Variants in HMHB1 observed in about 807,000 individuals in gnomAD.
HMHB1 encodes histocompatibility minor HB-1, also known as minor histocompatibility protein HB-1.
Under a neutral mutation model 2.4 loss-of-function variants are expected in HMHB1, and 4 were observed. The ratio of observed to expected loss-of-function variants is 1.65; its 90% CI spans 0.81 to 3.77. HMHB1 has a LOEUF of 3.77. HMHB1 is among the 30% of genes most tolerant of loss of function. HMHB1 has a pLI of 0.01. For synonymous variants in HMHB1, 22 were observed against 17.6 expected, an observed-to-expected ratio of 1.25 and a Z score of -0.63; for missense variants, 57 against 44.2, an observed-to-expected ratio of 1.29 and a Z score of -0.82.
Position 143,820,103 on chromosome 5 carries a change from T to A in HMHB1, c.38-377T>A, listed in dbSNP as rs1759791293. Among the ~76,000 whole-genome samples, 4 of 152,008 alleles carry A rather than the reference T, an allele frequency of 2.6e-5. No homozygotes were observed. In the South Asian group the frequency reaches 8.3e-4, roughly 32 times the overall value. Reference sequence around the variant, plus strand: ...TTATTTCTAATGAATGAATTCCATATGAGCTAATTATAGAAAATAAGATTT... The same window carrying A: ...TTATTTCTAATGAATGAATTCCATAAGAGCTAATTATAGAAAATAAGATTT... On this transcript the variant is annotated intron_variant, in intron 1 of 1. Coordinates refer to ENST00000289448, the MANE Select transcript of HMHB1 (RefSeq NM_021182.3).
At chr5:143,815,548 G>A (rs937133593) in intron 1 of HMHB1, among the ~76,000 whole-genome samples, 2 of 148,006 alleles carry the variant, frequency 1.4e-5, no homozygotes, top group African/African-American at 5.0e-5. Flanking sequence ...TTGAGATGCA[G>A]TCTCGCTCTG....
intron 1 of HMHB1, among the ~76,000 whole-genome samples, chr5:143,813,116 G>C (rs1236961856): frequency 6.6e-6 from 1 of 152,162 alleles, no homozygotes; most frequent in Non-Finnish European, 1.5e-5. Context: ...GATGAGGCCG[G>C]GGAAGCCTGT....
intron 1 of HMHB1, 150 bp from the exon 2 acceptor site, chr5:143,820,330 A>AAAAAAAAAAAAAAAAAAAG (rs1759796725): frequency 3.4e-6 from 1 of 294,318 alleles, no homozygotes. Context: ...AAAAAAAAAA[A>AAAAAAAAAAAAAAAAAAAG]AAAAAAAAAA....
chr5:143,817,862 T>A (rs770625259), intron 1 of HMHB1, among the ~76,000 whole-genome samples: 1 of 152,152 alleles, frequency 6.6e-6, no homozygotes, highest in Non-Finnish European at 1.5e-5. Context: ...AGAAATAAAT[T>A]AGTAAATGCA....
At chr5:143,815,360 A>T (rs751008629) in intron 1 of HMHB1, among the ~76,000 whole-genome samples, 8 of 151,930 alleles carry the variant, frequency 5.3e-5, no homozygotes, top group Non-Finnish European at 1.2e-4. Context: ...TCCTTTTCCA[A>T]CTTACAGATT....
Position 143,819,466 on chromosome 5 carries a change from C to G in HMHB1, c.38-1014C>G, listed in dbSNP as rs530112367. ...TCACACCAAGATGGTGAAACCCTGTCTCTTCTAAAAATACAAAAATTAGCC... is the reference window on the plus strand; with the variant it reads ...TCACACCAAGATGGTGAAACCCTGTGTCTTCTAAAAATACAAAAATTAGCC... On this transcript the variant is annotated intron_variant, in intron 1 of 1. Coordinates refer to ENST00000289448, the MANE Select transcript of HMHB1 (RefSeq NM_021182.3). Among the ~76,000 whole-genome samples the G allele has an allele frequency of 3.7e-3, 560 of 152,202 alleles. 6 individuals carry two copies. The highest frequency in any genetic ancestry group is 0.013 in the African/African-American group (529 of 41,540).
chr5:143,812,167 C>T lies in HMHB1; in HGVS notation c.-101C>T, dbSNP rs1422688103. 9.6e-7 allele frequency: 1 copy of T among 1,045,398 alleles called. No homozygotes were observed. Among genetic ancestry groups the T allele is most frequent in the African/African-American group, 1.6e-5 (1 of 62,344 alleles). 64.8% of individuals were successfully genotyped at this position (1,045,398 alleles called of 1,614,324 possible). ...AATTCTGCAGATGAGGAAACCACAT[C>T]CCAGGAGGCCGAGGCGGCTTGCCCC... On this transcript the variant is annotated 5_prime_UTR_variant, in exon 1 of 2. Coordinates refer to ENST00000289448, the MANE Select transcript of HMHB1 (RefSeq NM_021182.3).
chr5:143,820,711 A>G lies in HMHB1; in HGVS notation c.*143A>G, dbSNP rs1191723023. ...CTCTGCACAGTGAAATGAAAAGTCAACCTTTGAACATGTGTGTGTGTCTCT... is the reference window on the plus strand; with the variant it reads ...CTCTGCACAGTGAAATGAAAAGTCAGCCTTTGAACATGTGTGTGTGTCTCT... On this transcript the variant is annotated 3_prime_UTR_variant, in exon 2 of 2. Coordinates refer to ENST00000289448, the MANE Select transcript of HMHB1 (RefSeq NM_021182.3). 6 of 514,966 alleles carry G rather than the reference A, an allele frequency of 1.2e-5. No individual in the cohort carries two copies. Among genetic ancestry groups the G allele is most frequent in the African/African-American group, 1.9e-5 (1 of 52,010 alleles). 31.9% of individuals were successfully genotyped at this position (514,966 alleles called of 1,614,324 possible). A position where few individuals can be genotyped will look rare whatever the true frequency, so the allele number is the denominator to read the frequency against.
intron 1 of HMHB1, among the ~76,000 whole-genome samples, chr5:143,819,900 A>G (rs767628917): frequency 1.3e-5 from 2 of 152,162 alleles, no homozygotes; most frequent in African/African-American, 2.4e-5. Flanking sequence ...CATTTCACAT[A>G]GGCTTGGCTC....
At chr5:143,818,568 A>T (rs1759773780) in intron 1 of HMHB1, among the ~76,000 whole-genome samples, 1 of 152,236 alleles carries the variant, frequency 6.6e-6, no homozygotes, top group African/African-American at 2.4e-5. Context: ...GCCCAAGCCC[A>T]ATAGCCCAAA....
Position 143,812,274 on chromosome 5 carries a change from G to A in HMHB1, c.7G>A (p.Glu3Lys). The change falls in exon 1 of 2, where the codon GAG becomes AAG. Residue 3 changes from glutamate (E) to lysine (K), a missense_variant. Glu to Lys is a moderately conservative substitution (Grantham distance 56, BLOSUM62 1). Transcript: ENST00000289448. ...CACAGTGGAGAAACCAGAACTGGAG[G>A]AGCAGCCAGAATGCAGAGAAGAAAA... 1.3e-6 allele frequency: 2 copies of A among 1,551,746 alleles called. No individual in the cohort carries two copies. Among genetic ancestry groups the A allele is most frequent in the Non-Finnish European group, 1.7e-6 (2 of 1,147,010 alleles).
intron 1 of HMHB1, among the ~76,000 whole-genome samples, chr5:143,817,422 G>A (rs1010952189): frequency 1.3e-5 from 2 of 152,062 alleles, no homozygotes; most frequent in Non-Finnish European, 2.9e-5. Context: ...TCTCCTACAC[G>A]TGGCTAGCCA....
intron 1 of HMHB1, among the ~76,000 whole-genome samples, chr5:143,817,465 C>A (rs997075913): frequency 6.6e-6 from 1 of 152,166 alleles, no homozygotes; most frequent in Non-Finnish European, 1.5e-5. Context: ...ACAAGGGTGT[C>A]CTTTCCCCAC....
At chr5:143,812,445 A>C (rs1759702872) in intron 1 of HMHB1, 141 bp downstream of exon 1, 15 of 768,772 alleles carry the variant, frequency 2.0e-5, no homozygotes, top group Non-Finnish European at 2.2e-6. Context: ...AGGGGAGAGG[A>C]GTGAGACGGC....
chr5:143,813,641 C>T (rs6876125), intron 1 of HMHB1, among the ~76,000 whole-genome samples: 19,714 of 152,148 alleles, frequency 0.13, 1,616 homozygotes, highest in East Asian at 0.36. Flanking sequence ...CATGAGCAGT[C>T]CATATTTTTT....
At chr5:143,814,260 AT>A (rs535875436) in intron 1 of HMHB1, among the ~76,000 whole-genome samples, 87 of 152,150 alleles carry the variant, frequency 5.7e-4, no homozygotes, top group Non-Finnish European at 8.5e-4. Context: ...TGTTACTTAT[AT>A]TTTTTTCCTT....
intron 1 of HMHB1, among the ~76,000 whole-genome samples, chr5:143,814,889 C>A (rs1759730723): frequency 6.6e-6 from 1 of 152,196 alleles, no homozygotes; most frequent in African/African-American, 2.4e-5. Flanking sequence ...GTGGCTATTG[C>A]ACAAATATTG....
intron 1 of HMHB1, among the ~76,000 whole-genome samples, chr5:143,819,436 A>G (rs142321610): frequency 3.1e-4 from 47 of 152,326 alleles, no homozygotes; most frequent in African/African-American, 1.0e-3. Flanking sequence ...ACAGTTTAAA[A>G]AGGGTCACAC....
intron 1 of HMHB1, among the ~76,000 whole-genome samples, chr5:143,813,645 A>T (rs1561936582): frequency 6.6e-6 from 1 of 151,450 alleles, no homozygotes; most frequent in Admixed American, 6.6e-5. Context: ...AGCAGTCCAT[A>T]TTTTTTTTTA....
Sources: gnomAD v4.1 joint callset for allele counts (sites outside exome capture counted in the v4.1 genomes callset) on GRCh38, gnomAD v4.1.1 for gene constraint, MANE v1.5 for transcripts, NCBI Gene and HGNC (gene_info 2026-07-23, HGNC 2026-07-21) for gene names.